CFAP77: variants seen among roughly 807,000 people sequenced by gnomAD.
CFAP77 encodes cilia- and flagella-associated protein 77.
A neutral mutation model predicts 31.1 loss-of-function variants in CFAP77; 25 were observed. The ratio of observed to expected loss-of-function variants is 0.80; its 90% CI spans 0.59 to 1.12. The LOEUF (loss-of-function observed/expected upper bound fraction) is 1.12. Among genes scored for constraint, CFAP77 ranks in the 50% most tolerant of loss-of-function variants. CFAP77 has a pLI of 0.00. For synonymous variants in CFAP77, 151 were observed against 159.9 expected (o/e 0.94, Z 0.42); for missense variants, 377 against 397.3 (o/e 0.95, Z 0.44).
intron 3 of CFAP77, among the ~76,000 whole-genome samples, chr9:132,514,287 TAGTG>T (rs542882148): frequency 1.4e-5 from 2 of 142,210 alleles, no homozygotes; most frequent in Non-Finnish European, 3.1e-5. Flanking sequence ...CCACGGGTGA[TAGTG>T]AGGAGATGCT....
At chr9:132,423,201 C>T (rs1224968440) in intron 1 of CFAP77, among the ~76,000 whole-genome samples, 1 of 152,226 alleles carries the variant, frequency 6.6e-6, no homozygotes, top group African/African-American at 2.4e-5. Context: ...AAGGAAAGCG[C>T]CTGTTGGGCG....
chr9:132,452,226 T>C (rs1170120743), intron 1 of CFAP77, among the ~76,000 whole-genome samples: 1 of 152,246 alleles, frequency 6.6e-6, no homozygotes, highest in East Asian at 1.9e-4. Context: ...TGTGCCCTTG[T>C]GGGGAAGGTC....
At position 132,539,060 on chromosome 9, in the gene CFAP77, C is replaced by G. The variant is rs370309594; in HGVS notation, c.630+1354C>G. Among the ~76,000 whole-genome samples, 3 of 151,986 alleles carry G rather than the reference C, an allele frequency of 2.0e-5. No homozygotes were observed. Among genetic ancestry groups the G allele is most frequent in the African/African-American group, 4.8e-5 (2 of 41,348 alleles). On this transcript the variant is annotated intron_variant, in intron 4 of 5. Coordinates refer to ENST00000393216, the MANE Select transcript of CFAP77 (RefSeq NM_001282957.2). The surrounding 1 kb of genome is among the most constrained non-coding windows in gnomAD (Gnocchi z 4.3). ...CAAGATCGTGCCACTGCACTCCAGCCTGGGCAACAGAGCAAGACTCCGTCT... is the reference window on the plus strand; with the variant it reads ...CAAGATCGTGCCACTGCACTCCAGCGTGGGCAACAGAGCAAGACTCCGTCT...
intron 1 of CFAP77, among the ~76,000 whole-genome samples, chr9:132,483,225 CGCACCATT>C (rs1247970592): frequency 4.6e-5 from 7 of 152,014 alleles, no homozygotes; most frequent in Non-Finnish European, 1.0e-4. Flanking sequence ...GAGCCAAGAT[CGCACCATT>C]GCACTCCATC....
intron 3 of CFAP77, among the ~76,000 whole-genome samples, chr9:132,518,009 C>T (rs528768626): frequency 1.3e-5 from 2 of 152,214 alleles, no homozygotes; most frequent in South Asian, 2.1e-4. Context: ...CTAGTGGGCG[C>T]GTCCGGTGGT....
chr9:132,410,699 A>T (rs1391448581), intron 1 of CFAP77, among the ~76,000 whole-genome samples: 2 of 152,212 alleles, frequency 1.3e-5, no homozygotes, highest in African/African-American at 2.4e-5. Context: ...AAAGGGACTG[A>T]TTGGGAAGAT....
intron 1 of CFAP77, among the ~76,000 whole-genome samples, chr9:132,458,077 A>G (rs918764758): frequency 3.9e-5 from 6 of 152,204 alleles, no homozygotes; most frequent in Non-Finnish European, 7.3e-5. Flanking sequence ...AGAGCAGTAG[A>G]GAAGCGTGGG....
intron 3 of CFAP77, among the ~76,000 whole-genome samples, chr9:132,533,307 T>G (rs1160604353): frequency 1.3e-5 from 2 of 152,208 alleles, no homozygotes; most frequent in Non-Finnish European, 2.9e-5. Flanking sequence ...TTTCCCAGTG[T>G]GTAGGCTGAG....
At chr9:132,525,458 A>G (rs527517345) in intron 3 of CFAP77, among the ~76,000 whole-genome samples, 80 of 152,344 alleles carry the variant, frequency 5.3e-4, no homozygotes, top group Non-Finnish European at 3.4e-4. Context: ...TTAAAGAGAA[A>G]GTTTGTACAG....
chr9:132,505,562 C>T (rs1851918236), intron 3 of CFAP77, among the ~76,000 whole-genome samples: 1 of 151,552 alleles, frequency 6.6e-6, no homozygotes. Flanking sequence ...AATCAATCCA[C>T]AGAGGAGTTT....
Position 132,448,502 on chromosome 9 carries a change from GT to G in CFAP77, c.195+38038del, listed in dbSNP as rs1396279349. ...ATGGTAACATTCACCTCCTGGGCTG[GT>G]TGTGAGGATCCAGCACTTGGCAGAG... On this transcript the variant is annotated intron_variant, in intron 1 of 5. Transcript: ENST00000393216. Among the ~76,000 whole-genome samples, 8 of 152,250 alleles carry G rather than the reference GT, an allele frequency of 5.3e-5. No individual in the cohort carries two copies. In the South Asian group the frequency reaches 6.2e-4, roughly 12 times the overall value.
Position 132,532,669 on chromosome 9 carries a change from T to A in CFAP77, c.525-4932T>A, listed in dbSNP as rs60869526. Reference sequence around the variant, plus strand: ...GGGAGACGCTTCCCCTCTCAGCACCTCCATTTCCTCATTCTTTTTTCTGTG... The same window carrying A: ...GGGAGACGCTTCCCCTCTCAGCACCACCATTTCCTCATTCTTTTTTCTGTG... On this transcript the variant is annotated intron_variant, in intron 3 of 5. Transcript: ENST00000393216. Among the ~76,000 whole-genome samples the A allele has an allele frequency of 5.3e-5, 8 of 152,262 alleles. No individual in the cohort carries two copies. The East Asian group carries it at 1.5e-3, about 29-fold the overall frequency.
chr9:132,542,867 C>A, intron 4 of CFAP77, 79 bp from the exon 5 acceptor site: 1 of 1,133,104 alleles, frequency 8.8e-7, no homozygotes, highest in South Asian at 1.2e-5. Context: ...TCCCAGCCCT[C>A]TGTCTCTATA....
At chr9:132,563,133 C>T (rs1374609689) in intron 5 of CFAP77, among the ~76,000 whole-genome samples, 1 of 152,118 alleles carries the variant, frequency 6.6e-6, no homozygotes, top group Non-Finnish European at 1.5e-5. Context: ...AATCCTCCCC[C>T]TCAATCTCCT....
Position 132,410,260 on chromosome 9 carries a change from G to A in CFAP77, c.-12G>A. The A allele has an allele frequency of 6.4e-7, 1 of 1,552,760 alleles. No homozygotes were observed. Among genetic ancestry groups the A allele is most frequent in the Non-Finnish European group, 8.7e-7 (1 of 1,152,028 alleles). ...AACCAGCCCGCGGGCCGGCTCCCCG[G>A]CGACCTCAAGGATGCCAGAGGCCAG... On this transcript the variant is annotated 5_prime_UTR_variant, in exon 1 of 6. Coordinates refer to ENST00000393216, the MANE Select transcript of CFAP77 (RefSeq NM_001282957.2).
At chr9:132,484,872 G>A (rs1328156001) in intron 1 of CFAP77, among the ~76,000 whole-genome samples, 1 of 147,752 alleles carries the variant, frequency 6.8e-6, no homozygotes, top group Admixed American at 6.7e-5. Context: ...TTTTTTAGAT[G>A]GAGTCTTGCT....
Position 132,572,510 on chromosome 9 carries a change from G to A in CFAP77, c.855G>A (p.Ter285=), listed in dbSNP as rs1829973653. 3.8e-6 allele frequency: 6 copies of A among 1,577,876 alleles called. No homozygotes were observed. The highest frequency in any genetic ancestry group is 4.3e-6 in the Non-Finnish European group (5 of 1,158,586). The change falls in exon 6 of 6, where the codon TAG becomes TAA. Residue 285 remains the stop codon, a stop_retained_variant. Coordinates refer to ENST00000393216, the MANE Select transcript of CFAP77 (RefSeq NM_001282957.2). ...GGATGGGCAACTACACCCACCCCTAGCCCCTCCCTCCCCTGCCACAAGAAG... is the reference window on the plus strand; with the variant it reads ...GGATGGGCAACTACACCCACCCCTAACCCCTCCCTCCCCTGCCACAAGAAG... The part of the protein sequence containing the change: ...TLRMGNYTHP[*]
chr9:132,474,524 C>T (rs1339905861), intron 1 of CFAP77, among the ~76,000 whole-genome samples: 1 of 152,070 alleles, frequency 6.6e-6, no homozygotes, highest in Non-Finnish European at 1.5e-5. Context: ...TGGAATGTTC[C>T]AAGACCTTTG....
chr9:132,528,508 G>T (rs1852381944), intron 3 of CFAP77, among the ~76,000 whole-genome samples: 1 of 148,792 alleles, frequency 6.7e-6, no homozygotes, highest in South Asian at 2.2e-4. Flanking sequence ...TGACAAATGG[G>T]ATCTAATTAA....
Sources: allele counts gnomAD v4.1 joint callset (sites outside exome capture counted in the v4.1 genomes callset), GRCh38; gene constraint gnomAD v4.1.1; non-coding constraint Gnocchi (gnomAD v3.1); transcripts MANE v1.5; gene names NCBI Gene and HGNC (gene_info 2026-07-23, HGNC 2026-07-21).